The following MAF variants were observed in gnomAD, a reference collection of about 807,000 sequenced individuals.
MAF encodes MAF bZIP transcription factor.
A neutral mutation model predicts 22.0 loss-of-function variants in MAF; 10 were observed. The observed-to-expected ratio is 0.45, with a 90% CI of 0.28 to 0.77. MAF has a LOEUF of 0.77. MAF is among the 30% of genes least tolerant of loss of function. The pLI, the probability that MAF is intolerant of heterozygous loss-of-function variation, is 0.12. For synonymous variants in MAF, 337 were observed against 255.8 expected (o/e 1.32, Z -3.03); for missense variants, 544 against 548.4 (o/e 0.99, Z 0.08).
At chr16:79,332,551 G>A in the MAF span, among the ~76,000 whole-genome samples, 1 of 152,144 alleles carries the variant, frequency 6.6e-6, no homozygotes. Context: ...TACCCACCTT[G>A]GCTTCCCAAA....
At chr16:79,238,660 T>A in the MAF span, among the ~76,000 whole-genome samples, 3 of 152,082 alleles carry the variant, frequency 2.0e-5, no homozygotes, top group Non-Finnish European at 4.4e-5. Flanking sequence ...TTAATTCGAA[T>A]TTTAGATAAA....
At position 79,599,188 on chromosome 16, in the gene MAF, C is replaced by T. The variant is rs561314990; in HGVS notation, c.715G>A (p.Ala239Thr). The T allele has an allele frequency of 7.7e-4, 812 of 1,058,356 alleles. 35 individuals carry two copies. The Admixed American group carries it at 0.04, about 52-fold the overall frequency. 65.6% of individuals were successfully genotyped at this position (1,058,356 alleles called of 1,614,324 possible). A position where few individuals can be genotyped will look rare whatever the true frequency, so the allele number is the denominator to read the frequency against. Reference sequence around the variant, plus strand: ...TGCAGGGCGCCCCCCGCCCCCGCCGCGCCCCCGCCGCCTCCGCCGCCGCCG... The same window carrying T: ...TGCAGGGCGCCCCCCGCCCCCGCCGTGCCCCCGCCGCCTCCGCCGCCGCCG... ...GGGGGGGGGG[A>T]AGAGGALHPH... Residue 239 changes from alanine to threonine, a missense_variant, in exon 1 of 2, where the codon GCG (alanine) becomes ACG (threonine). Transcript: ENST00000326043.
chr16:79,448,415 T>C, the MAF span, among the ~76,000 whole-genome samples: 1 of 151,912 alleles, frequency 6.6e-6, no homozygotes, highest in African/African-American at 2.4e-5. Flanking sequence ...CATTTTTGTT[T>C]TGTTTTATTT....
chr16:79,491,943 C>T, the MAF span, among the ~76,000 whole-genome samples: 1 of 152,158 alleles, frequency 6.6e-6, no homozygotes, highest in Non-Finnish European at 1.5e-5. Context: ...GTCTCCTCTC[C>T]CACTTCTTTT....
chr16:79,214,617 G>A, the MAF span, among the ~76,000 whole-genome samples: 2 of 151,450 alleles, frequency 1.3e-5, no homozygotes, highest in Non-Finnish European at 2.9e-5. Context: ...ATGTTGGCCA[G>A]GCTGGTCTTG....
chr16:79,571,530 A>AT, the MAF span, among the ~76,000 whole-genome samples: 54,443 of 103,810 alleles, frequency 0.52, 14,457 homozygotes, highest in East Asian at 0.67. Flanking sequence ...TCTCAGCGGA[A>AT]TTTTTTTTTT....
At chr16:79,264,726 C>T in the MAF span, among the ~76,000 whole-genome samples, 82 of 152,194 alleles carry the variant, frequency 5.4e-4, no homozygotes, top group Admixed American at 6.5e-4. Flanking sequence ...CAGCACATCT[C>T]CCAGATACAA....
At chr16:79,265,092 A>G in the MAF span, among the ~76,000 whole-genome samples, 1 of 152,174 alleles carries the variant, frequency 6.6e-6, no homozygotes, top group Non-Finnish European at 1.5e-5. Context: ...CTCATCTGCC[A>G]TGGGAGGTAA....
At chr16:79,358,762 T>A in the MAF span, among the ~76,000 whole-genome samples, 1,768 of 152,294 alleles carry the variant, frequency 0.012, 33 homozygotes, top group African/African-American at 0.04. Context: ...CAAGTATGCC[T>A]CTCCAATGTT....
At chr16:79,549,535 A>G in the MAF span, among the ~76,000 whole-genome samples, 1 of 152,212 alleles carries the variant, frequency 6.6e-6, no homozygotes, top group Non-Finnish European at 1.5e-5. Flanking sequence ...ACTGAACTGA[A>G]TCGATTCTCT....
the MAF span, among the ~76,000 whole-genome samples, chr16:79,504,877 T>G: frequency 6.6e-6 from 1 of 152,208 alleles, no homozygotes; most frequent in Non-Finnish European, 1.5e-5. Context: ...TATGAATGCC[T>G]TGTACGAACA....
the MAF span, among the ~76,000 whole-genome samples, chr16:79,572,166 A>C: frequency 1.9e-3 from 286 of 152,262 alleles, 3 homozygotes; most frequent in African/African-American, 6.7e-3. Context: ...CAAAGAAAAC[A>C]GTGAAATTTC....
chr16:79,362,423 G>T, the MAF span, among the ~76,000 whole-genome samples: 1 of 152,012 alleles, frequency 6.6e-6, no homozygotes, highest in African/African-American at 2.4e-5. Context: ...AATGAATTTT[G>T]TTGTTGCTGA....
At chr16:79,331,861 T>C in the MAF span, among the ~76,000 whole-genome samples, 1 of 152,196 alleles carries the variant, frequency 6.6e-6, no homozygotes, top group African/African-American at 2.4e-5. Flanking sequence ...TCCCTACTTC[T>C]CTGCTCTAAG....
chr16:79,219,041 T>C, the MAF span, among the ~76,000 whole-genome samples: 473 of 152,340 alleles, frequency 3.1e-3, 5 homozygotes, highest in Admixed American at 0.022. Context: ...CCACACCACT[T>C]AGAAAGAAGT....
the MAF span, among the ~76,000 whole-genome samples, chr16:79,482,722 C>T: frequency 1.3e-5 from 2 of 152,036 alleles, no homozygotes. Flanking sequence ...TCTCCCAGTG[C>T]CCCGCTGAGC....
chr16:79,213,340 C>G, the MAF span, among the ~76,000 whole-genome samples: 1 of 152,200 alleles, frequency 6.6e-6, no homozygotes, highest in Non-Finnish European at 1.5e-5. Flanking sequence ...ATAGCCTTGC[C>G]ACATCCTCCC....
At chr16:79,597,566 TC>T (rs1913608487) in intron 1 of MAF, 2 of 1,023,060 alleles carry the variant, frequency 2.0e-6, no homozygotes, top group Non-Finnish European at 1.2e-6. Flanking sequence ...AGGAATGCCT[TC>T]AGTGCATTGG....
downstream of MAF, among the ~76,000 whole-genome samples, chr16:79,592,638 G>T (rs761840754): frequency 1.3e-5 from 2 of 152,198 alleles, no homozygotes; most frequent in Non-Finnish European, 2.9e-5. Flanking sequence ...GATGGGCTAA[G>T]AGTGAAACAA....
Sources: allele counts gnomAD v4.1 joint callset (sites outside exome capture counted in the v4.1 genomes callset), GRCh38; gene constraint gnomAD v4.1.1; transcripts MANE v1.5; gene names NCBI Gene and HGNC (gene_info 2026-07-23, HGNC 2026-07-21).